The following NAV3 variants were observed in gnomAD, a reference collection of about 807,000 sequenced individuals.
NAV3 encodes pore membrane and/or filament interacting like protein 1.
A neutral mutation model predicts 244.7 loss-of-function variants in NAV3; 87 were observed. The observed-to-expected ratio is 0.36, with a 90% CI of 0.30 to 0.42. NAV3 has a LOEUF of 0.42. NAV3 is among the 20% of genes least tolerant of loss of function. The probability of loss-of-function intolerance (pLI) is 1.00; values close to 1 mark genes in which losing one functional copy is unlikely to be tolerated. For synonymous variants in NAV3, 1,126 were observed against 1,042.2 expected (o/e 1.08, Z -1.55); for missense variants, 2,663 against 2,893.3 (o/e 0.92, Z 1.83).
chr12:77,966,394 C>A, intron 4 of NAV3, 93 bp downstream of exon 4: 1 of 1,033,620 alleles, frequency 9.7e-7, no homozygotes, highest in Non-Finnish European at 1.4e-6. Flanking sequence ...GAGTATACGT[C>A]TCCTTAATAT....
At chr12:78,076,913 A>C (rs1036565991) in intron 12 of NAV3, among the ~76,000 whole-genome samples, 3 of 152,200 alleles carry the variant, frequency 2.0e-5, no homozygotes, top group African/African-American at 7.2e-5. Flanking sequence ...TTTAAATAGC[A>C]AAGTATAATA....
chr12:78,119,846 C>T lies in NAV3; in HGVS notation c.3650C>T (p.Ser1217Phe), dbSNP rs2138635781. ...SDSESVSLSG[S>F]PKSSPTSASA... ...TCAGAAAGTGTTTCTTTGTCAGGTT[C>T]CCCCAAATCCAGCCCCACCTCTGCC... Residue 1217 changes from serine (S) to phenylalanine (F), a missense_variant, in exon 15 of 40, where the codon TCC becomes TTC. By Grantham distance (155) the Ser-to-Phe change is radical. Around this residue, in one of 6 missense-constraint regions of NAV3, gnomAD observed 1,521 missense variants for 1,497.0 expected, o/e 1.02. Transcript: ENST00000397909. 6.2e-7 allele frequency: 1 copy of T among 1,614,060 alleles called. No individual in the cohort carries two copies. Among genetic ancestry groups the T allele is most frequent in the Non-Finnish European group, 8.5e-7 (1 of 1,180,004 alleles).
intron 1 of NAV3, among the ~76,000 whole-genome samples, chr12:77,833,667 A>G (rs1010163794): frequency 3.3e-5 from 5 of 152,232 alleles, no homozygotes; most frequent in African/African-American, 1.2e-4. Context: ...CCTTATTGCA[A>G]GGGCAGAGGG....
intron 3 of NAV3, among the ~76,000 whole-genome samples, chr12:77,953,065 A>G (rs1891046581): frequency 6.6e-6 from 1 of 152,146 alleles, no homozygotes. Context: ...TACTGATGTA[A>G]TTTTTAATAA....
At chr12:77,734,256 G>A (rs1877244603) in intron 2 of NAV3, among the ~76,000 whole-genome samples, 1 of 151,896 alleles carries the variant, frequency 6.6e-6, no homozygotes, top group African/African-American at 2.4e-5. Context: ...CGATGAACCA[G>A]TCATTTCTTT....
intron 2 of NAV3, among the ~76,000 whole-genome samples, chr12:77,750,659 T>C (rs763970018): frequency 4.6e-5 from 7 of 152,098 alleles, no homozygotes; most frequent in Non-Finnish European, 1.0e-4. Context: ...GTAAAGCAAA[T>C]GGATCTCAGG....
At chr12:78,125,138 A>G (rs564210908) in intron 16 of NAV3, among the ~76,000 whole-genome samples, 1 of 152,272 alleles carries the variant, frequency 6.6e-6, no homozygotes, top group Admixed American at 6.5e-5. Context: ...CATTATGGTT[A>G]ATTAATTGAT....
chr12:77,701,404 T>A (rs953647910), intron 2 of NAV3, among the ~76,000 whole-genome samples: 8 of 151,926 alleles, frequency 5.3e-5, no homozygotes, highest in African/African-American at 1.9e-4. Context: ...TTATTCCTGA[T>A]ACTTGTGATA....
chr12:77,729,616 G>A (rs542096082), intron 2 of NAV3, among the ~76,000 whole-genome samples: 10 of 151,962 alleles, frequency 6.6e-5, no homozygotes, highest in East Asian at 5.8e-4. Context: ...AATAAACAAC[G>A]TTTTACCTCT....
intron 4 of NAV3, among the ~76,000 whole-genome samples, chr12:77,967,128 A>T (rs1435612010): frequency 6.6e-6 from 1 of 152,092 alleles, no homozygotes; most frequent in Non-Finnish European, 1.5e-5. Flanking sequence ...CCCCAGGATA[A>T]TATGTTGCTA....
At chr12:78,186,070 A>C (rs1958704348) in intron 31 of NAV3, among the ~76,000 whole-genome samples, 1 of 151,874 alleles carries the variant, frequency 6.6e-6, no homozygotes, top group Non-Finnish European at 1.5e-5. Flanking sequence ...GTCTTTATAC[A>C]AAGGGAAGAC....
rs577773564 is a variant in NAV3, at chr12:77,884,661, T to C, written c.243+52957T>C. On this transcript the variant is annotated intron_variant, in intron 1 of 39. Transcript: ENST00000397909. Reference sequence around the variant, plus strand: ...CTCAGCTGTTGGGATGATGTCCACTTACATTGATGGCGGATCTTCCTTATT... The same window carrying C: ...CTCAGCTGTTGGGATGATGTCCACTCACATTGATGGCGGATCTTCCTTATT... 2.0e-4 allele frequency among the ~76,000 whole-genome samples: 30 copies of C among 152,242 alleles called. No individual in the cohort carries two copies. In the South Asian group the frequency reaches 5.6e-3, roughly 28 times the overall value.
chr12:78,181,169 C>T (rs950996457), intron 30 of NAV3, 124 bp downstream of exon 30: 1 of 808,244 alleles, frequency 1.2e-6, no homozygotes, highest in African/African-American at 1.7e-5. Flanking sequence ...AGAAATAGTC[C>T]TAGTTTGATC....
At chr12:78,178,900 A>T (rs1171267343) in intron 28 of NAV3, among the ~76,000 whole-genome samples, 28 of 152,154 alleles carry the variant, frequency 1.8e-4, no homozygotes, top group Admixed American at 1.8e-3. Context: ...AACAGCCCTC[A>T]GCTAGCCTGC....
At chr12:77,684,268 A>AGCT (rs1339646637) in intron 2 of NAV3, among the ~76,000 whole-genome samples, 4 of 31,026 alleles carry the variant, frequency 1.3e-4, no homozygotes, top group Non-Finnish European at 3.7e-4. Flanking sequence ...GCCCATTTTT[A>AGCT]ACTATTATTA....
At chr12:77,637,959 G>C (rs1054453201) in intron 2 of NAV3, among the ~76,000 whole-genome samples, 39 of 152,268 alleles carry the variant, frequency 2.6e-4, no homozygotes, top group African/African-American at 9.4e-4. Context: ...TAATTAACAA[G>C]TCAAAGGTTC....
At chr12:77,939,178 A>G (rs1259197506) in intron 1 of NAV3, among the ~76,000 whole-genome samples, 1 of 152,150 alleles carries the variant, frequency 6.6e-6, no homozygotes, top group East Asian at 1.9e-4. Context: ...AGTGTTCATA[A>G]CTATAAAATG....
rs191076464 is a variant in NAV3, at chr12:77,888,458, C to T, written c.244-51861C>T. ...TGTCACTGCACTCCAGCCTGGACAG[C>T]ACAGCAAGACCCTGTTTTAAAAATT... On this transcript the variant is annotated intron_variant, in intron 1 of 39. Coordinates refer to ENST00000397909, the MANE Select transcript of NAV3 (RefSeq NM_001024383.2). Among the ~76,000 whole-genome samples, 296 of 152,206 alleles carry T rather than the reference C, an allele frequency of 1.9e-3. 1 individual carries two copies. The highest frequency in any genetic ancestry group is 1.6e-3 in the Admixed American group (25 of 15,278).
At chr12:77,848,810 G>T (rs894238890) in intron 1 of NAV3, among the ~76,000 whole-genome samples, 2 of 152,124 alleles carry the variant, frequency 1.3e-5, no homozygotes, top group Non-Finnish European at 2.9e-5. Context: ...TAAATTTCAT[G>T]ATTGCTCTTT....
Sources: allele counts gnomAD v4.1 joint callset (sites outside exome capture counted in the v4.1 genomes callset), GRCh38; gene constraint gnomAD v4.1.1; regional missense constraint gnomAD v4.1.1; transcripts MANE v1.5; gene names NCBI Gene and HGNC (gene_info 2026-07-23, HGNC 2026-07-21).